FYN: variants seen among roughly 807,000 people sequenced by gnomAD.
FYN encodes the protein tyrosine-protein kinase Fyn.
FYN carries 10 observed loss-of-function variants against 70.2 expected under a neutral mutation model. The ratio of observed to expected loss-of-function variants is 0.14; its 90% confidence interval spans 0.09 to 0.24. The LOEUF (loss-of-function observed/expected upper bound fraction) is 0.24, where lower values mean the gene tolerates loss of function less well. Among genes scored for constraint, FYN ranks in the 10% least tolerant of loss-of-function variants. The pLI is 1.00. For synonymous variants in FYN, 236 were observed against 248.6 expected, an observed-to-expected ratio of 0.95 and a Z score of 0.48; for missense variants, 319 against 673.1, an observed-to-expected ratio of 0.47 and a Z score of 5.82.
At chr6:111,761,029 G>T (rs1369389069) in intron 3 of FYN, among the ~76,000 whole-genome samples, 2 of 152,186 alleles carry the variant, frequency 1.3e-5, no homozygotes, top group African/African-American at 4.8e-5. Flanking sequence ...GCAGTTCATT[G>T]TGAGATGATG....
chr6:111,750,400 C>T (rs982215009), intron 3 of FYN, among the ~76,000 whole-genome samples: 7 of 152,162 alleles, frequency 4.6e-5, no homozygotes, highest in Non-Finnish European at 7.3e-5. Context: ...TGCCTTCCGC[C>T]ATGATTGGAA....
At chr6:111,688,986 A>G (rs1323128811) in intron 12 of FYN, among the ~76,000 whole-genome samples, 15 of 152,106 alleles carry the variant, frequency 9.9e-5, no homozygotes. Context: ...TTTTTTCCCT[A>G]TTTATTACTA....
chr6:111,741,614 AC>A (rs1801971743), intron 3 of FYN, among the ~76,000 whole-genome samples: 1 of 119,154 alleles, frequency 8.4e-6, no homozygotes, highest in Non-Finnish European at 1.8e-5. Flanking sequence ...GAAAATGGTG[AC>A]AACAGCTGGC....
chr6:111,666,095 T>C (rs1241704885), intron 13 of FYN, among the ~76,000 whole-genome samples: 1 of 139,618 alleles, frequency 7.2e-6, no homozygotes, highest in Admixed American at 7.6e-5. Context: ...TCCACCTCCC[T>C]GGTTCAAGCA....
intron 3 of FYN, among the ~76,000 whole-genome samples, chr6:111,760,109 C>T (rs1802937803): frequency 6.6e-6 from 1 of 151,994 alleles, no homozygotes; most frequent in Admixed American, 6.6e-5. Context: ...TATGCGTCAC[C>T]CATACCGTAC....
chr6:111,721,309 G>A (rs990272414), intron 3 of FYN, among the ~76,000 whole-genome samples: 8 of 152,150 alleles, frequency 5.3e-5, no homozygotes, highest in Admixed American at 1.3e-4. Flanking sequence ...CCAGGAAAGC[G>A]GGACCCTGTC....
At chr6:111,809,089 A>G (rs1188885563) in intron 2 of FYN, among the ~76,000 whole-genome samples, 6 of 152,254 alleles carry the variant, frequency 3.9e-5, no homozygotes, top group Non-Finnish European at 7.3e-5. Context: ...ATGGAAAGAT[A>G]CTAAGCTTTA....
intron 2 of FYN, among the ~76,000 whole-genome samples, chr6:111,781,584 T>C (rs1041520847): frequency 3.3e-5 from 5 of 152,168 alleles, no homozygotes; most frequent in African/African-American, 1.2e-4. Flanking sequence ...TTTTCGACAT[T>C]ATCCTATCAA....
chr6:111,762,788 T>G (rs72942156), intron 3 of FYN, among the ~76,000 whole-genome samples: 1 of 151,320 alleles, frequency 6.6e-6, no homozygotes, highest in Non-Finnish European at 1.5e-5. Flanking sequence ...TGATAGGTGA[T>G]GAGCTTAAAA....
At chr6:111,755,356 T>C (rs553238313) in intron 3 of FYN, among the ~76,000 whole-genome samples, 3 of 152,326 alleles carry the variant, frequency 2.0e-5, no homozygotes, top group Admixed American at 1.3e-4. Flanking sequence ...AGTTCTTTAA[T>C]GTTCTTCCTG....
At chr6:111,794,661 C>T (rs564217633) in intron 2 of FYN, among the ~76,000 whole-genome samples, 3 of 152,226 alleles carry the variant, frequency 2.0e-5, no homozygotes, top group Non-Finnish European at 4.4e-5. Flanking sequence ...GGAGATTATA[C>T]AAAATTAAAA....
intron 2 of FYN, among the ~76,000 whole-genome samples, chr6:111,836,070 CAG>C (rs1408778974): frequency 6.6e-6 from 1 of 152,146 alleles, no homozygotes; most frequent in Non-Finnish European, 1.5e-5. Context: ...CAGCAAGAAA[CAG>C]AGAAACTGAA....
At chr6:111,771,812 T>C (rs570161349) in intron 3 of FYN, among the ~76,000 whole-genome samples, 1 of 152,334 alleles carries the variant, frequency 6.6e-6, no homozygotes, top group Admixed American at 6.5e-5. Context: ...CAGCAGTACC[T>C]GCCCTTTAGA....
intron 13 of FYN, among the ~76,000 whole-genome samples, chr6:111,669,259 A>G (rs964036985): frequency 6.6e-6 from 1 of 151,990 alleles, no homozygotes; most frequent in African/African-American, 2.4e-5. Context: ...ACATGGCGAA[A>G]CCCTGGCTCT....
rs145885535 is a variant in FYN at position 111,674,130 on chromosome 6, C to T, written c.1405+369G>A. 4.2e-3 allele frequency among the ~76,000 whole-genome samples: 641 copies of T among 152,330 alleles called. 5 individuals carry two copies. Among genetic ancestry groups the T allele is most frequent in the Non-Finnish European group, 4.9e-3 (331 of 68,040 alleles). On this transcript the variant is annotated intron_variant, in intron 13 of 13. Transcript: ENST00000354650. ...AAAGCAGTGGGGCTTTTCTCCTTCT[C>T]TTTCCCAGACATGTCTGCAAACTCC...
chr6:111,811,013 A>G (rs889170017), intron 2 of FYN, among the ~76,000 whole-genome samples: 1 of 152,216 alleles, frequency 6.6e-6, no homozygotes, highest in African/African-American at 2.4e-5. Flanking sequence ...AATGAATAAA[A>G]GTGTGTTTTA....
intron 9 of FYN, chr6:111,699,394 C>A: frequency 9.6e-7 from 1 of 1,040,710 alleles, no homozygotes; most frequent in East Asian, 2.5e-5. Flanking sequence ...ATGGCCTGTG[C>A]CCGTCTAGTT....
At chr6:111,857,688 T>G (rs1773858349) in intron 1 of FYN, among the ~76,000 whole-genome samples, 1 of 151,042 alleles carries the variant, frequency 6.6e-6, no homozygotes, top group African/African-American at 2.5e-5. Context: ...GCATTTCTAC[T>G]TATGGCAGAA....
At chr6:111,827,989 C>T (rs980825730) in intron 2 of FYN, among the ~76,000 whole-genome samples, 6 of 152,184 alleles carry the variant, frequency 3.9e-5, no homozygotes, top group Non-Finnish European at 7.3e-5. Context: ...CCAAAACAAC[C>T]TCAGCACCAC....
Sources: gnomAD v4.1 joint callset for allele counts (sites outside exome capture counted in the v4.1 genomes callset) on GRCh38, gnomAD v4.1.1 for gene constraint, MANE v1.5 for transcripts, NCBI Gene and HGNC (gene_info 2026-07-23, HGNC 2026-07-21) for gene names.